Variants in CSPG4 observed in about 807,000 individuals in gnomAD.
The protein encoded by CSPG4 is chondroitin sulfate proteoglycan 4.
Under a neutral mutation model 139.3 loss-of-function variants are expected in CSPG4, and 74 were observed. That is an observed-to-expected ratio of 0.53 (90% confidence interval 0.44 to 0.64). The LOEUF (loss-of-function observed/expected upper bound fraction) is 0.64, where lower values mean the gene tolerates loss of function less well. Among genes scored for constraint, CSPG4 ranks in the 30% least tolerant of loss-of-function variants. The pLI is 0.00. For synonymous variants in CSPG4, 1,234 were observed against 1,394.2 expected (o/e 0.89, Z 2.56); for missense variants, 2,565 against 3,148.3 (o/e 0.81, Z 4.43).
Position 75,682,319 on chromosome 15 carries a change from C to T in CSPG4, c.4924G>A (p.Ala1642Thr). Residue 1642 changes from alanine to threonine, a missense_variant, in exon 8 of 10, where the codon GCC becomes ACC. Transcript: ENST00000308508. ...FHAQQDSTGE[A>T]LVNFTQAEVY... ...TCTGCCTGAGTGAAGTTCACCAGGG[C>T]CTCCCCTGTGCTGTCCTGCTGGGCG... is the stretch of plus-strand genomic sequence containing the variant. The T allele has an allele frequency of 6.3e-7, 1 of 1,596,688 alleles. No homozygotes were observed. The highest frequency in any genetic ancestry group is 1.3e-5 in the African/African-American group (1 of 75,004).
In CSPG4 at chr15:75,689,099, C is replaced by A. The variant is rs538165446; in HGVS notation, c.1966G>T (p.Val656Leu). 5.0e-6 allele frequency: 8 copies of A among 1,605,196 alleles called. No homozygotes were observed. In the African/African-American group the frequency reaches 9.3e-5, roughly 19 times the overall value. ...TGTATGGCCGGCCGGATGGCCACCACCTTCAGCGTGGCCGGGGGGCTGGCC... is the reference window on the plus strand; with the variant it reads ...TGTATGGCCGGCCGGATGGCCACCAACTTCAGCGTGGCCGGGGGGCTGGCC... ...LQASPPATLK[V>L]VAIRPAIQIH... The change falls in exon 3 of 10, where the codon GTG becomes TTG. Residue 656 changes from valine (V) to leucine (L), a missense_variant. Coordinates refer to ENST00000308508, the MANE Select transcript of CSPG4 (RefSeq NM_001897.5).
intron 2 of CSPG4, 62 bp from the exon 3 acceptor site, chr15:75,690,874 A>T: frequency 6.6e-7 from 1 of 1,525,612 alleles, no homozygotes; most frequent in South Asian, 1.3e-5. Context: ...TTTCCCTTAT[A>T]AAAGCATAGA....
rs1894070024 is a variant in CSPG4, at chr15:75,687,117, G to A, written c.3789+159C>T. 6.6e-6 allele frequency among the ~76,000 whole-genome samples: 1 copy of A among 152,118 alleles called. No homozygotes were observed. The highest frequency in any genetic ancestry group is 1.5e-5 in the Non-Finnish European group (1 of 68,012). ...TATAGCAAGCTCCCCAGAAACTCCT[G>A]GGAGCACAACATATACGGGAGCACA... On this transcript the variant is annotated intron_variant, in intron 3 of 9. Coordinates refer to ENST00000308508, the MANE Select transcript of CSPG4 (RefSeq NM_001897.5). This position sits in a 1 kb window ranked among gnomAD's most constrained non-coding sequence, Gnocchi z 5.4.
intron 1 of CSPG4, among the ~76,000 whole-genome samples, chr15:75,711,636 A>G (rs1894448137): frequency 6.6e-6 from 1 of 152,254 alleles, no homozygotes; most frequent in Non-Finnish European, 1.5e-5. Context: ...TGGCTTCTCC[A>G]TCTGAAGGAG....
chr15:75,693,943 C>T (rs12594714), intron 1 of CSPG4, among the ~76,000 whole-genome samples: 68,857 of 152,178 alleles, frequency 0.45, 15,951 homozygotes, highest in African/African-American at 0.57. Flanking sequence ...GGACCATGTG[C>T]AGTGTCAAAC....
intron 2 of CSPG4, 67 bp from the exon 3 acceptor site, chr15:75,690,879 CAT>C: frequency 2.0e-6 from 3 of 1,517,214 alleles, no homozygotes; most frequent in Middle Eastern, 1.8e-4. Flanking sequence ...CTTATAAAAG[CAT>C]AGAGCCGGGC....
In CSPG4 at chr15:75,675,149, C is replaced by G. The variant is rs1463400483; in HGVS notation, c.*401G>C. 1 of 307,558 alleles carries G rather than the reference C, an allele frequency of 3.3e-6. No individual in the cohort carries two copies. Among genetic ancestry groups the G allele is most frequent in the Non-Finnish European group, 5.9e-6 (1 of 168,622 alleles). The allele number at this position is 307,558 out of a possible 1,614,324, so 19.1% of individuals were successfully genotyped here. ...AGGAATAGCTTCCTCTGTCCCTTCC[C>G]TCCCCAGGGTACTTCCTTCTCCTTG... On this transcript the variant is annotated 3_prime_UTR_variant, in exon 10 of 10. Coordinates refer to ENST00000308508, the MANE Select transcript of CSPG4 (RefSeq NM_001897.5).
At chr15:75,684,237 C>T (rs939610786) in intron 5 of CSPG4, among the ~76,000 whole-genome samples, 3 of 152,250 alleles carry the variant, frequency 2.0e-5, no homozygotes, top group Non-Finnish European at 1.5e-5. Flanking sequence ...ACGTCTGGGC[C>T]TCAACTTCCA....
chr15:75,677,715 A>G lies in CSPG4; in HGVS notation c.5122T>C (p.Trp1708Arg). 1 of 1,602,674 alleles carries G rather than the reference A, an allele frequency of 6.2e-7. No homozygotes were observed. The highest frequency in any genetic ancestry group is 8.5e-7 in the Non-Finnish European group (1 of 1,175,282). ...TCATGCTGTTCACCTTTGTTCTTCC[A>G]GAGGTGGCTGGGGCGCTGGGGACAG... is the stretch of plus-strand genomic sequence containing the variant. ...AACPQRPSHL[W>R]KNKGLWVPEG... Residue 1708 changes from tryptophan to arginine, a missense_variant, in exon 9 of 10, where the codon TGG becomes CGG. Transcript: ENST00000308508.
In CSPG4 at chr15:75,676,408, G is replaced by A. The variant is rs148287582; in HGVS notation, c.6111C>T (p.Ala2037=). The A allele has an allele frequency of 1.1e-3, 1,734 of 1,613,706 alleles. 2 individuals are homozygous for A. The highest frequency in any genetic ancestry group is 1.4e-3 in the Non-Finnish European group (1,652 of 1,180,028). ...LALARGVNAS[A]VVNVTVRALL... ...GAGCCCTCACAGTGACGTTCACTAC[G>A]GCTGATGCATTGACACCCCTAGCCA... is the stretch of plus-strand genomic sequence containing the variant. Residue 2037 remains alanine, a synonymous_variant, in exon 10 of 10, where the codon GCC becomes GCT. Coordinates refer to ENST00000308508, the MANE Select transcript of CSPG4 (RefSeq NM_001897.5).
intron 1 of CSPG4, among the ~76,000 whole-genome samples, chr15:75,705,693 C>T (rs927697921): frequency 3.9e-5 from 6 of 152,164 alleles, no homozygotes; most frequent in African/African-American, 1.4e-4. Flanking sequence ...TGTGTGGGTT[C>T]CCACAGCTCA....
At chr15:75,710,115 A>G (rs981377075) in intron 1 of CSPG4, among the ~76,000 whole-genome samples, 1 of 151,930 alleles carries the variant, frequency 6.6e-6, no homozygotes, top group African/African-American at 2.4e-5. Context: ...AGATACCCCC[A>G]TCAGTTCTGA....
At chr15:75,711,661 T>C (rs1222480926) in intron 1 of CSPG4, among the ~76,000 whole-genome samples, 5 of 152,262 alleles carry the variant, frequency 3.3e-5, no homozygotes, top group Non-Finnish European at 7.3e-5. Context: ...GGGTGTGGCC[T>C]GGGCCCTTGT....
chr15:75,695,976 C>T (rs1246244471), intron 1 of CSPG4, among the ~76,000 whole-genome samples: 6 of 151,836 alleles, frequency 4.0e-5, no homozygotes, highest in East Asian at 1.9e-4. Context: ...GTGACTGGGG[C>T]GGGGGGATGG....
At chr15:75,702,432 G>A (rs1256916671) in intron 1 of CSPG4, among the ~76,000 whole-genome samples, 1 of 152,266 alleles carries the variant, frequency 6.6e-6, no homozygotes, top group Non-Finnish European at 1.5e-5. Flanking sequence ...GGCCCAGGGG[G>A]CTGTGCTGTT....
chr15:75,696,453 C>T lies in CSPG4; in HGVS notation c.89-3220G>A, dbSNP rs114090717. Among the ~76,000 whole-genome samples the T allele has an allele frequency of 1.9e-3, 283 of 152,190 alleles. 1 individual carries two copies. The highest frequency in any genetic ancestry group is 6.6e-3 in the African/African-American group (274 of 41,506). ...AGATGTGTATTTGTGTGTGCGCAAG[C>T]ATGTGGGTGGCTGCTGGGGGTGTGC... On this transcript the variant is annotated intron_variant, in intron 1 of 9. Coordinates refer to ENST00000308508, the MANE Select transcript of CSPG4 (RefSeq NM_001897.5). The surrounding 1 kb of genome is among the most constrained non-coding windows in gnomAD (Gnocchi z 4.2).
chr15:75,693,335 G>A, intron 1 of CSPG4, 102 bp from the exon 2 acceptor site: 2 of 1,161,484 alleles, frequency 1.7e-6, no homozygotes, highest in African/African-American at 1.5e-5. Context: ...GGTCCGTGCT[G>A]GCGCACCCTC....
Position 75,676,529 on chromosome 15 carries a change from G to T in CSPG4, c.5990C>A (p.Thr1997Asn). 1.2e-6 allele frequency: 2 copies of T among 1,613,784 alleles called. No individual in the cohort carries two copies. The highest frequency in any genetic ancestry group is 1.7e-6 in the Non-Finnish European group (2 of 1,179,996). The change falls in exon 10 of 10, where the codon ACC becomes AAC. Residue 1997 changes from threonine (T) to asparagine (N), a missense_variant. Around this residue, in one of 5 missense-constraint regions of CSPG4, gnomAD observed 2,316 missense variants for 2,818.2 expected, o/e 0.82. Transcript: ENST00000308508. ...YGHLLVGGRP[T>N]SAFSQFQIDQ... Reference sequence around the variant, plus strand: ...TATCTGGAATTGGCTGAAGGCCGAGGTGGGCCGCCCGCCCACCAGGAGATG... The same window carrying T: ...TATCTGGAATTGGCTGAAGGCCGAGTTGGGCCGCCCGCCCACCAGGAGATG...
Position 75,690,739 on chromosome 15 carries a change from G to C in CSPG4, c.326C>G (p.Pro109Arg), listed in dbSNP as rs1412963353. ...TACGACAGTCAGCACCACAGTGTGG[G>C]GGATGGAGTCACTCAGCAGCGTCTC... ...PAETLLSDSI[P>R]HTVVLTVVEG... Residue 109 changes from proline to arginine, a missense_variant, in exon 3 of 10, where the codon CCC becomes CGC. Transcript: ENST00000308508. 6.2e-7 allele frequency: 1 copy of C among 1,613,192 alleles called. No individual in the cohort carries two copies. Among genetic ancestry groups the C allele is most frequent in the Admixed American group, 1.7e-5 (1 of 60,024 alleles).
Sources: gnomAD v4.1 joint callset for allele counts (sites outside exome capture counted in the v4.1 genomes callset) on GRCh38, gnomAD v4.1.1 for gene constraint, gnomAD v4.1.1 regional missense constraint, Gnocchi (gnomAD v3.1) non-coding constraint, MANE v1.5 for transcripts, NCBI Gene and HGNC (gene_info 2026-07-23, HGNC 2026-07-21) for gene names.